Variants in CLASP1 observed in about 807,000 individuals in gnomAD.
CLASP1 encodes cytoplasmic linker associated protein 1, also known as CLIP-associating protein 1.
Under a neutral mutation model 192.3 loss-of-function variants are expected in CLASP1, and 38 were observed. The ratio of observed to expected loss-of-function variants is 0.20; its 90% confidence interval spans 0.15 to 0.26. The LOEUF (loss-of-function observed/expected upper bound fraction) is 0.26. Ranked by LOEUF, CLASP1 falls within the 10% of genes least tolerant of loss-of-function variation. The pLI is 1.00. For synonymous variants in CLASP1, 691 were observed against 712.8 expected, an observed-to-expected ratio of 0.97 and a Z score of 0.49; for missense variants, 1,433 against 1,932.5, an observed-to-expected ratio of 0.74 and a Z score of 4.85.
chr2:121,500,342 GAAAAAGAAAGAAAGAAAGAAAGAA>G (rs2093695075), intron 8 of CLASP1, among the ~76,000 whole-genome samples: 1 of 88,822 alleles, frequency 1.1e-5, no homozygotes, highest in Non-Finnish European at 2.2e-5. Context: ...AGGAAAGAAA[GAAAAAGAAAGAAAGAAAGAAAGAA>G]AGAAAGAAAG....
intron 28 of CLASP1, among the ~76,000 whole-genome samples, chr2:121,399,956 C>T (rs1281128672): frequency 6.6e-6 from 1 of 152,200 alleles, no homozygotes; most frequent in African/African-American, 2.4e-5. Flanking sequence ...CTTGAAAAGT[C>T]TGGTACTACT....
Position 121,385,757 on chromosome 2 carries a change from C to T in CLASP1, c.3374+1365G>A, listed in dbSNP as rs139436671. ...CATAACTATCTCTTCTAGACAGAGG[C>T]GACAATTTACAGAAAATTCAAGTTT... On this transcript the variant is annotated intron_variant, in intron 32 of 39. Transcript: ENST00000263710. Among the ~76,000 whole-genome samples the T allele has an allele frequency of 6.6e-3, 999 of 152,266 alleles. 15 individuals carry two copies. Among genetic ancestry groups the T allele is most frequent in the African/African-American group, 0.023 (949 of 41,546 alleles).
At chr2:121,546,835 GAA>G (rs2105090443) in intron 2 of CLASP1, among the ~76,000 whole-genome samples, 1 of 152,264 alleles carries the variant, frequency 6.6e-6, no homozygotes, top group Non-Finnish European at 1.5e-5. Flanking sequence ...GCTGCTCTAT[GAA>G]AAAGAGGTCA....
intron 37 of CLASP1, among the ~76,000 whole-genome samples, chr2:121,351,963 T>C (rs982449372): frequency 6.6e-6 from 1 of 152,242 alleles, no homozygotes; most frequent in Non-Finnish European, 1.5e-5. Flanking sequence ...GCCTCCTGTG[T>C]GTCAGAGACT....
chr2:121,512,639 C>A (rs1340400113), intron 7 of CLASP1, among the ~76,000 whole-genome samples: 1 of 152,152 alleles, frequency 6.6e-6, no homozygotes, highest in Non-Finnish European at 1.5e-5. Context: ...ACTGAAATAA[C>A]AACAAATGGC....
intron 8 of CLASP1, among the ~76,000 whole-genome samples, chr2:121,487,616 T>A (rs931343173): frequency 2.6e-5 from 4 of 152,170 alleles, no homozygotes; most frequent in African/African-American, 9.6e-5. Context: ...ATATCTTTCA[T>A]TTTGGGTTTG....
chr2:121,446,994 C>G (rs995970491), intron 19 of CLASP1, among the ~76,000 whole-genome samples: 2 of 152,144 alleles, frequency 1.3e-5, no homozygotes, highest in Non-Finnish European at 2.9e-5. Context: ...CCACCAGTGT[C>G]AGAGGGGGAA....
chr2:121,637,146 C>A (rs975100197), intron 1 of CLASP1, among the ~76,000 whole-genome samples: 2 of 152,132 alleles, frequency 1.3e-5, no homozygotes, highest in Non-Finnish European at 2.9e-5. Flanking sequence ...TAAATAACAA[C>A]ACAAAGTTAA....
rs1180124108 is a variant in CLASP1, at chr2:121,502,742, AACAC to A, written c.712+421_712+424del. On this transcript the variant is annotated intron_variant, in intron 8 of 39. Coordinates refer to ENST00000263710, the Ensembl canonical transcript of CLASP1. ...TCTTTGGAGGATTAGGAAGAAGATT[AACAC>A]CACCCGACTTGTATTCTGAAAGGAT... 2.6e-5 allele frequency among the ~76,000 whole-genome samples: 4 copies of A among 152,220 alleles called. No individual in the cohort carries two copies. The South Asian group carries it at 6.2e-4, about 24-fold the overall frequency.
chr2:121,568,523 C>T (rs1226073578), intron 2 of CLASP1, among the ~76,000 whole-genome samples: 4 of 151,174 alleles, frequency 2.6e-5, no homozygotes, highest in African/African-American at 9.7e-5. Flanking sequence ...CTGCCCAGCA[C>T]TAAGCAAGTA....
At chr2:121,481,993 T>C (rs1309959620) in intron 8 of CLASP1, among the ~76,000 whole-genome samples, 1 of 152,126 alleles carries the variant, frequency 6.6e-6, no homozygotes, top group South Asian at 2.1e-4. Flanking sequence ...GAATCCAAAA[T>C]AGGGCCAAAC....
intron 2 of CLASP1, among the ~76,000 whole-genome samples, chr2:121,536,554 T>C (rs576846040): frequency 2.6e-5 from 4 of 152,224 alleles, no homozygotes; most frequent in East Asian, 1.9e-4. Flanking sequence ...AACTGAAGTG[T>C]TGATTGACAG....
intron 34 of CLASP1, among the ~76,000 whole-genome samples, chr2:121,368,882 T>C (rs2068009030): frequency 1.3e-5 from 2 of 152,238 alleles, no homozygotes; most frequent in South Asian, 4.1e-4. Context: ...TCATTCAGTG[T>C]CATTAAATAC....
intron 16 of CLASP1, 24 bp downstream of exon 16, chr2:121,450,889 A>G (rs773277111): frequency 4.0e-6 from 6 of 1,493,946 alleles, no homozygotes; most frequent in Non-Finnish European, 5.6e-6. Context: ...TTAATTTAAA[A>G]AGTGGTGTAC....
chr2:121,359,742 T>C (rs1225158038), intron 37 of CLASP1, among the ~76,000 whole-genome samples: 3 of 152,218 alleles, frequency 2.0e-5, no homozygotes, highest in Non-Finnish European at 4.4e-5. Flanking sequence ...ATAGGGACTA[T>C]GAAAACATTA....
Position 121,407,462 on chromosome 2 carries a change from G to A in CLASP1, c.2669+9C>T. ...CAAACTTAGCTCATATTCTTGCTGT[G>A]GTCCTCACCTCAGTGTTCTTTGGCT... On this transcript the variant is annotated intron_variant, in intron 25 of 39. Coordinates refer to ENST00000263710, the Ensembl canonical transcript of CLASP1. 1 of 1,613,590 alleles carries A rather than the reference G, an allele frequency of 6.2e-7. No homozygotes were observed. The highest frequency in any genetic ancestry group is 8.5e-7 in the Non-Finnish European group (1 of 1,179,704).
intron 37 of CLASP1, among the ~76,000 whole-genome samples, chr2:121,356,734 T>A (rs2065459933): frequency 6.6e-6 from 1 of 152,238 alleles, no homozygotes; most frequent in African/African-American, 2.4e-5. Flanking sequence ...AGTGTCTGTA[T>A]GAAATGACCT....
At chr2:121,514,548 T>C (rs1411174345) in intron 7 of CLASP1, among the ~76,000 whole-genome samples, 1 of 152,092 alleles carries the variant, frequency 6.6e-6, no homozygotes, top group Admixed American at 6.5e-5. Flanking sequence ...TCACAGATTA[T>C]CTTTTGTAAA....
chr2:121,518,943 C>T lies in CLASP1; in HGVS notation c.547-3181G>A, dbSNP rs562443447. Among the ~76,000 whole-genome samples the T allele has an allele frequency of 9.8e-4, 149 of 152,312 alleles. No homozygotes were observed. The South Asian group carries it at 0.011, about 12-fold the overall frequency. ...AGTCAATGCTACTATACCTTGAATACTATTAAAGTGTATCACCATTGCTTA... is the reference window on the plus strand; with the variant it reads ...AGTCAATGCTACTATACCTTGAATATTATTAAAGTGTATCACCATTGCTTA... On this transcript the variant is annotated intron_variant, in intron 6 of 39. Coordinates refer to ENST00000263710, the Ensembl canonical transcript of CLASP1.
Sources: gnomAD v4.1 joint callset for allele counts (sites outside exome capture counted in the v4.1 genomes callset) on GRCh38, gnomAD v4.1.1 for gene constraint, MANE v1.5 for transcripts, NCBI Gene and HGNC (gene_info 2026-07-23, HGNC 2026-07-21) for gene names.